Variants in NBAS observed in about 807,000 individuals in gnomAD.
NBAS encodes the protein NBAS subunit of NRZ tethering complex.
In NBAS, 219 loss-of-function variants were observed where a neutral mutation model predicts 302.5. The ratio of observed to expected loss-of-function variants is 0.72; its 90% CI spans 0.65 to 0.81. The LOEUF (loss-of-function observed/expected upper bound fraction) is 0.81, where lower values mean the gene tolerates loss of function less well. NBAS is among the 30% of genes least tolerant of loss of function. The probability of loss-of-function intolerance (pLI) is 0.00; values close to 1 mark genes in which losing one functional copy is unlikely to be tolerated. For missense variants in NBAS, 2,932 were observed against 2,841.6 expected (o/e 1.03, Z -0.72); for synonymous variants, 1,118 against 1,021.6 (o/e 1.09, Z -1.80).
At chr2:15,428,025 C>A (rs1677567737) in intron 21 of NBAS, among the ~76,000 whole-genome samples, 1 of 151,954 alleles carries the variant, frequency 6.6e-6, no homozygotes, top group Non-Finnish European at 1.5e-5. Context: ...AAAAATTTGG[C>A]AAGTAATTAA....
rs770372450 is a variant in NBAS, at chr2:15,353,704, G to A, written c.3938C>T (p.Pro1313Leu). 8.1e-6 allele frequency: 13 copies of A among 1,613,740 alleles called. No homozygotes were observed. In the East Asian group the frequency reaches 2.5e-4, roughly 30 times the overall value. Residue 1313 changes from proline to leucine, a missense_variant, in exon 34 of 52, where the codon CCT (proline) becomes CTT (leucine). Transcript: ENST00000281513. ...HCQELMATGYPKSWDVCSQLG... is the reference protein window; with the variant it reads ...HCQELMATGYLKSWDVCSQLG... Reference sequence around the variant, plus strand: ...CTGGCTACAAACATCCCAACTTTTAGGATAACCTGCAAAATTGGCAAGGAA... The same window carrying A: ...CTGGCTACAAACATCCCAACTTTTAAGATAACCTGCAAAATTGGCAAGGAA...
At chr2:15,550,801 C>T (rs1047718156) in intron 6 of NBAS, among the ~76,000 whole-genome samples, 2 of 151,668 alleles carry the variant, frequency 1.3e-5, no homozygotes, top group East Asian at 1.9e-4. Context: ...TGGCCAGGCT[C>T]GTCTCAAACT....
chr2:15,228,077 G>C (rs1256901576), intron 47 of NBAS, among the ~76,000 whole-genome samples: 1 of 152,070 alleles, frequency 6.6e-6, no homozygotes, highest in Non-Finnish European at 1.5e-5. Context: ...GAAACTATTT[G>C]TAAACTATAC....
intron 48 of NBAS, among the ~76,000 whole-genome samples, chr2:15,194,945 GA>G (rs1425799444): frequency 6.6e-6 from 1 of 151,986 alleles, no homozygotes; most frequent in Non-Finnish European, 1.5e-5. Flanking sequence ...TGTCTATATA[GA>G]AAATTCAAAG....
At chr2:14,937,187 A>C in the NBAS span, among the ~76,000 whole-genome samples, 23,705 of 152,076 alleles carry the variant, frequency 0.16, 2,544 homozygotes, top group African/African-American at 0.31. Flanking sequence ...CACCCATTAC[A>C]TATGGGGGGT....
chr2:15,397,018 A>G (rs1230965923), intron 26 of NBAS, among the ~76,000 whole-genome samples: 2 of 152,244 alleles, frequency 1.3e-5, no homozygotes, highest in Admixed American at 1.3e-4. Context: ...AAGTATATCC[A>G]TCACATAGAT....
chr2:14,999,620 T>C, the NBAS span, among the ~76,000 whole-genome samples: 1 of 152,196 alleles, frequency 6.6e-6, no homozygotes, highest in Non-Finnish European at 1.5e-5. Context: ...CCTTCCACCA[T>C]GATTATAAGT....
At chr2:15,066,667 T>C in the NBAS span, among the ~76,000 whole-genome samples, 2 of 152,128 alleles carry the variant, frequency 1.3e-5, no homozygotes, top group African/African-American at 4.8e-5. Flanking sequence ...CTCACATCTA[T>C]TACGATGGCT....
At chr2:15,476,992 A>T (rs78555945) in intron 13 of NBAS, among the ~76,000 whole-genome samples, 2,580 of 152,304 alleles carry the variant, frequency 0.017, 32 homozygotes, top group Middle Eastern at 0.054. Context: ...CTTTTTCCCC[A>T]TGTAAGCCTA....
the NBAS span, among the ~76,000 whole-genome samples, chr2:15,132,946 C>G: frequency 6.6e-6 from 1 of 151,476 alleles, no homozygotes; most frequent in African/African-American, 2.4e-5. Flanking sequence ...AAATTACACT[C>G]TATTGTTTGT....
chr2:15,097,707 T>G, the NBAS span, among the ~76,000 whole-genome samples: 3 of 151,220 alleles, frequency 2.0e-5, no homozygotes, highest in South Asian at 2.1e-4. Context: ...TCCAGGCTCA[T>G]GGCCTAATCA....
At chr2:14,868,539 T>C in the NBAS span, among the ~76,000 whole-genome samples, 4 of 152,222 alleles carry the variant, frequency 2.6e-5, no homozygotes, top group Non-Finnish European at 5.9e-5. Flanking sequence ...GTTACTTTCC[T>C]GATACTTTCT....
chr2:15,366,773 C>T, intron 31 of NBAS, 80 bp from the exon 32 acceptor site: 1 of 1,307,162 alleles, frequency 7.7e-7, no homozygotes, highest in Non-Finnish European at 1.1e-6. Context: ...TGCAAGGCAT[C>T]CAAAGAAAAT....
chr2:15,019,659 A>T, the NBAS span, among the ~76,000 whole-genome samples: 51,615 of 152,018 alleles, frequency 0.34, 9,496 homozygotes, highest in Non-Finnish European at 0.41. Flanking sequence ...GATATGTTAA[A>T]ATCTAACCAC....
intron 37 of NBAS, 108 bp downstream of exon 37, chr2:15,328,091 T>C (rs1672157750): frequency 7.2e-6 from 9 of 1,247,056 alleles, no homozygotes; most frequent in South Asian, 6.5e-5. Context: ...ATAACATGAG[T>C]AAGAACCAAG....
the NBAS span, among the ~76,000 whole-genome samples, chr2:14,834,363 G>T: frequency 6.6e-6 from 1 of 152,224 alleles, no homozygotes; most frequent in East Asian, 1.9e-4. Context: ...TATGTTTGTG[G>T]CATTGTCTCC....
Position 15,467,417 on chromosome 2 carries a change from A to C in NBAS, c.2019-10T>G. 1 of 1,605,514 alleles carries C rather than the reference A, an allele frequency of 6.2e-7. No homozygotes were observed. The highest frequency in any genetic ancestry group is 8.5e-7 in the Non-Finnish European group (1 of 1,172,426). ...TTGTTCCAGTGTCAACCTGTTTTGA[A>C]TAACTATGTTAGGCCACTTATATTT... On this transcript the variant is annotated splice_polypyrimidine_tract_variant and intron_variant, in intron 18 of 51. Coordinates refer to ENST00000281513, the MANE Select transcript of NBAS (RefSeq NM_015909.4).
At chr2:15,245,608 A>AGGATGGATGGATGGATGGATGGAT (rs57408257) in intron 44 of NBAS, among the ~76,000 whole-genome samples, 1 of 148,038 alleles carries the variant, frequency 6.8e-6, no homozygotes, top group African/African-American at 2.5e-5. Context: ...GTTGAATGGA[A>AGGATGGATGGATGGATGGATGGAT]GGATGGATGG....
chr2:15,250,811 A>G (rs1432599556), intron 44 of NBAS, among the ~76,000 whole-genome samples: 4 of 152,230 alleles, frequency 2.6e-5, no homozygotes, highest in African/African-American at 9.6e-5. Flanking sequence ...AGGAAACAAC[A>G]GATACTGGAG....
Sources: allele counts gnomAD v4.1 joint callset (sites outside exome capture counted in the v4.1 genomes callset), GRCh38; gene constraint gnomAD v4.1.1; transcripts MANE v1.5; gene names NCBI Gene and HGNC (gene_info 2026-07-23, HGNC 2026-07-21).